PDE4D: variants seen among roughly 807,000 people sequenced by gnomAD.
PDE4D encodes the protein 3',5'-cyclic-AMP phosphodiesterase 4D.
A neutral mutation model predicts 87.4 loss-of-function variants in PDE4D; 24 were observed. The ratio of observed to expected loss-of-function variants is 0.27; its 90% CI spans 0.20 to 0.39. PDE4D has a LOEUF of 0.39. PDE4D is among the 10% of genes least tolerant of loss of function. PDE4D has a pLI of 1.00. For synonymous variants in PDE4D, 384 were observed against 383.2 expected (o/e 1.00, Z -0.02); for missense variants, 714 against 1,041.0 (o/e 0.69, Z 4.32).
intron 5 of PDE4D, among the ~76,000 whole-genome samples, chr5:59,092,041 G>A (rs1423984184): frequency 6.6e-6 from 1 of 152,064 alleles, no homozygotes; most frequent in African/African-American, 2.4e-5. Context: ...AAACAAGTCT[G>A]GTTTAACTGA....
At chr5:59,639,170 A>G (rs1443195855) in intron 1 of PDE4D, among the ~76,000 whole-genome samples, 1 of 152,154 alleles carries the variant, frequency 6.6e-6, no homozygotes, top group Non-Finnish European at 1.5e-5. Context: ...CAATGTAATG[A>G]CTATTGTGTA....
chr5:59,277,803 T>G (rs1408773177), intron 1 of PDE4D, among the ~76,000 whole-genome samples: 2 of 152,196 alleles, frequency 1.3e-5, no homozygotes, highest in East Asian at 3.8e-4. Flanking sequence ...CACACAAGTT[T>G]AGTGCAGCCC....
chr5:59,774,240 A>C (rs1180640356), intron 1 of PDE4D, among the ~76,000 whole-genome samples: 1 of 152,208 alleles, frequency 6.6e-6, no homozygotes, highest in Non-Finnish European at 1.5e-5. Flanking sequence ...GAGGATTCTA[A>C]AGATCTTATT....
At chr5:60,150,440 T>C (rs1781402733) in intron 2 of PDE4D, among the ~76,000 whole-genome samples, 1 of 152,142 alleles carries the variant, frequency 6.6e-6, no homozygotes, top group Admixed American at 6.5e-5. Context: ...AGACTTTTTA[T>C]GTATTATCAT....
At chr5:60,161,799 C>T (rs1327825048) in intron 2 of PDE4D, among the ~76,000 whole-genome samples, 3 of 152,118 alleles carry the variant, frequency 2.0e-5, no homozygotes, top group East Asian at 3.8e-4. Context: ...ACAAAGGCTT[C>T]GCACATTCTC....
At chr5:60,101,813 G>A (rs2149332529) in intron 2 of PDE4D, among the ~76,000 whole-genome samples, 1 of 152,214 alleles carries the variant, frequency 6.6e-6, no homozygotes, top group East Asian at 1.9e-4. Context: ...TGAATTTATG[G>A]TGATAGAGCA....
intron 1 of PDE4D, among the ~76,000 whole-genome samples, chr5:59,857,816 G>A (rs1259412896): frequency 6.7e-6 from 1 of 148,550 alleles, no homozygotes; most frequent in Admixed American, 6.9e-5. Context: ...GATAAGAATT[G>A]AAGAAATATA....
chr5:59,482,632 C>T (rs1272957081), intron 1 of PDE4D, among the ~76,000 whole-genome samples: 1 of 152,000 alleles, frequency 6.6e-6, no homozygotes, highest in Admixed American at 6.6e-5. Flanking sequence ...TATTGTGATG[C>T]CTTAGTAAAT....
At chr5:60,213,390 G>A (rs1743477103) in intron 1 of PDE4D, among the ~76,000 whole-genome samples, 1 of 152,148 alleles carries the variant, frequency 6.6e-6, no homozygotes, top group Admixed American at 6.5e-5. Flanking sequence ...CATGTTGGTG[G>A]CAGCCTCCTG....
At chr5:59,453,744 C>T (rs536361693) in intron 1 of PDE4D, among the ~76,000 whole-genome samples, 27 of 152,316 alleles carry the variant, frequency 1.8e-4, no homozygotes, top group Admixed American at 3.9e-4. Flanking sequence ...ATGCCATCTC[C>T]ACAACACAAA....
At chr5:59,719,845 C>T (rs1199308550) in intron 1 of PDE4D, among the ~76,000 whole-genome samples, 1 of 152,164 alleles carries the variant, frequency 6.6e-6, no homozygotes, top group East Asian at 1.9e-4. Flanking sequence ...ATTGGGGATG[C>T]CATCTTTATT....
intron 1 of PDE4D, among the ~76,000 whole-genome samples, chr5:59,503,569 G>T (rs1356458970): frequency 6.6e-6 from 1 of 152,130 alleles, no homozygotes; most frequent in Non-Finnish European, 1.5e-5. Flanking sequence ...GCTCAGAACT[G>T]AGTTTATTCC....
chr5:59,088,450 G>A (rs1299193252), intron 5 of PDE4D, among the ~76,000 whole-genome samples: 4 of 152,122 alleles, frequency 2.6e-5, no homozygotes, highest in African/African-American at 9.7e-5. Context: ...TCATTTCTGG[G>A]TATATGCCCA....
intron 1 of PDE4D, among the ~76,000 whole-genome samples, chr5:59,803,850 G>C (rs1316288097): frequency 6.6e-6 from 1 of 152,070 alleles, no homozygotes; most frequent in Admixed American, 6.6e-5. Flanking sequence ...TCTTAAAATA[G>C]GAAATAGAAA....
At chr5:60,302,686 G>T (rs1754011960) in intron 1 of PDE4D, among the ~76,000 whole-genome samples, 2 of 151,858 alleles carry the variant, frequency 1.3e-5, no homozygotes, top group South Asian at 4.2e-4. Context: ...CACTGATCTT[G>T]GTTATTCTTG....
intron 5 of PDE4D, among the ~76,000 whole-genome samples, chr5:59,045,844 C>T (rs532143681): frequency 2.3e-4 from 35 of 152,306 alleles, no homozygotes; most frequent in African/African-American, 6.7e-4. Flanking sequence ...GAAGTCAGTG[C>T]AACCATTATC....
chr5:59,144,667 G>A (rs1778350288), intron 5 of PDE4D, among the ~76,000 whole-genome samples: 1 of 152,148 alleles, frequency 6.6e-6, no homozygotes, highest in South Asian at 2.1e-4. Context: ...GCCCCATGAA[G>A]TTTACAACAT....
intron 1 of PDE4D, among the ~76,000 whole-genome samples, chr5:59,294,902 T>C (rs533671069): frequency 6.6e-6 from 1 of 152,198 alleles, no homozygotes; most frequent in Non-Finnish European, 1.5e-5. Context: ...AAAAATAGAA[T>C]TTTGTGACAG....
intron 2 of PDE4D, among the ~76,000 whole-genome samples, chr5:60,094,731 T>C (rs1582623282): frequency 6.6e-6 from 1 of 151,938 alleles, no homozygotes; most frequent in South Asian, 2.1e-4. Context: ...GGACAGATCT[T>C]TCTCTCAGCT....
Sources: gnomAD v4.1 joint callset for allele counts (sites outside exome capture counted in the v4.1 genomes callset) on GRCh38, gnomAD v4.1.1 for gene constraint, MANE v1.5 for transcripts, NCBI Gene and HGNC (gene_info 2026-07-23, HGNC 2026-07-21) for gene names.